The following COLEC10 variants were observed in gnomAD, a reference collection of about 807,000 sequenced individuals.
COLEC10 encodes collectin-10.
In COLEC10, 22 loss-of-function variants were observed where a neutral mutation model predicts 28.4. That is an observed-to-expected ratio of 0.78 (90% CI 0.55 to 1.11). The LOEUF is 1.11. COLEC10 is among the 50% of genes least tolerant of loss of function. COLEC10 has a pLI of 0.00. For missense variants in COLEC10, 361 were observed against 344.1 expected (o/e 1.05, Z -0.39); for synonymous variants, 125 against 116.1 (o/e 1.08, Z -0.49).
chr8:119,025,913 C>A (rs1316152348), intron 2 of COLEC10, among the ~76,000 whole-genome samples: 2 of 152,114 alleles, frequency 1.3e-5, no homozygotes, highest in Admixed American at 1.3e-4. Flanking sequence ...TTAGTTTATG[C>A]CTGCATCATG....
rs371388006 is a variant in COLEC10, at chr8:119,091,118, A to G, written c.221-31A>G. On this transcript the variant is annotated intron_variant, in intron 2 of 5. Transcript: ENST00000332843. ...ACATTTCAAGGGAAGATAAAACCTT[A>G]TGATAAAAAGATAACATGTTTGCTT... The G allele has an allele frequency of 2.6e-5, 41 of 1,566,958 alleles. No individual in the cohort carries two copies. In the East Asian group the frequency reaches 6.1e-4, roughly 23 times the overall value.
chr8:119,000,131 T>C (rs970725472), intron 1 of COLEC10, among the ~76,000 whole-genome samples: 1 of 152,116 alleles, frequency 6.6e-6, no homozygotes, highest in African/African-American at 2.4e-5. Flanking sequence ...ACCTATTCCA[T>C]TATAACAGGG....
chr8:119,002,139 A>G (rs546721595), intron 1 of COLEC10, among the ~76,000 whole-genome samples: 79 of 152,296 alleles, frequency 5.2e-4, no homozygotes, highest in Non-Finnish European at 8.7e-4. Context: ...CATATTTGCC[A>G]TAATTGTATA....
chr8:119,006,540 A>G (rs989580499), intron 1 of COLEC10, among the ~76,000 whole-genome samples: 5 of 152,048 alleles, frequency 3.3e-5, no homozygotes, highest in African/African-American at 1.2e-4. Context: ...ACAGCACTTA[A>G]CAAAGGGGCT....
At chr8:118,954,031 A>C in the COLEC10 span, among the ~76,000 whole-genome samples, 2 of 152,232 alleles carry the variant, frequency 1.3e-5, no homozygotes, top group East Asian at 3.9e-4. Context: ...TGAGGTTCTC[A>C]TGGGGACGTT....
chr8:119,085,590 CTTCTTCTTCTTTTTTTT>C, intron 1 of COLEC10, among the ~76,000 whole-genome samples: 1 of 96,992 alleles, frequency 1.0e-5, no homozygotes, highest in African/African-American at 4.2e-5. Flanking sequence ...CTTCTTCTTT[CTTCTTCTTCTTTTTTTT>C]TTTTTTTTTT....
the COLEC10 span, among the ~76,000 whole-genome samples, chr8:118,958,056 G>A: frequency 6.6e-5 from 10 of 152,322 alleles, no homozygotes; most frequent in East Asian, 1.4e-3. Flanking sequence ...CAGGGCAAGC[G>A]AGTAGGCAGA....
intron 1 of COLEC10, among the ~76,000 whole-genome samples, chr8:119,001,443 C>A (rs1286551166): frequency 6.6e-6 from 1 of 152,096 alleles, no homozygotes; most frequent in Non-Finnish European, 1.5e-5. Flanking sequence ...TAGCAAGAAA[C>A]CCTGTCTCTG....
At chr8:119,030,089 C>T (rs552980198) in intron 2 of COLEC10, among the ~76,000 whole-genome samples, 39 of 152,236 alleles carry the variant, frequency 2.6e-4, no homozygotes, top group Middle Eastern at 6.8e-3. Context: ...CACATATCTC[C>T]CTCTTTGTTA....
chr8:119,000,659 G>A (rs1368567022), intron 1 of COLEC10, among the ~76,000 whole-genome samples: 2 of 152,136 alleles, frequency 1.3e-5, no homozygotes, highest in African/African-American at 4.8e-5. Flanking sequence ...GATAGCAAAA[G>A]GGAATGGAGG....
chr8:119,005,385 T>A (rs1813775933), intron 1 of COLEC10, among the ~76,000 whole-genome samples: 1 of 152,134 alleles, frequency 6.6e-6, no homozygotes, highest in Non-Finnish European at 1.5e-5. Flanking sequence ...TGCCTCAGTT[T>A]GTCCTCAAGC....
intron 3 of COLEC10, among the ~76,000 whole-genome samples, chr8:119,095,463 G>T (rs1345861398): frequency 6.6e-6 from 1 of 152,248 alleles, no homozygotes; most frequent in Non-Finnish European, 1.5e-5. Context: ...AGCACTTCGG[G>T]GGGCCGAGGT....
upstream of COLEC10, among the ~76,000 whole-genome samples, chr8:119,065,914 C>A (rs1416548319): frequency 6.6e-6 from 1 of 151,986 alleles, no homozygotes; most frequent in African/African-American, 2.4e-5. Context: ...CCTGAATCAT[C>A]CTGAAAGTAT....
At chr8:118,963,766 A>G in the COLEC10 span, among the ~76,000 whole-genome samples, 1 of 152,156 alleles carries the variant, frequency 6.6e-6, no homozygotes, top group Non-Finnish European at 1.5e-5. Flanking sequence ...ATAAGCTCCA[A>G]GAGGTTAGGG....
chr8:119,063,733 A>C (rs114513994), upstream of COLEC10, among the ~76,000 whole-genome samples: 4,392 of 149,708 alleles, frequency 0.029, 118 homozygotes, highest in African/African-American at 0.064. Context: ...TCAATTCACA[A>C]AAAAAAAAAA....
chr8:119,057,695 C>A (rs1283979698), intron 2 of COLEC10, among the ~76,000 whole-genome samples: 1 of 152,164 alleles, frequency 6.6e-6, no homozygotes, highest in Admixed American at 6.6e-5. Context: ...TGAATAAATG[C>A]ACTTTCATTA....
the COLEC10 span, among the ~76,000 whole-genome samples, chr8:118,978,595 AAG>A: frequency 6.6e-6 from 1 of 151,998 alleles, no homozygotes; most frequent in Non-Finnish European, 1.5e-5. Context: ...ATATATCTGT[AAG>A]TTCATATTAC....
intron 2 of COLEC10, among the ~76,000 whole-genome samples, chr8:119,036,493 A>G (rs955467893): frequency 6.6e-6 from 1 of 152,196 alleles, no homozygotes; most frequent in Non-Finnish European, 1.5e-5. Context: ...AAGTATATTG[A>G]ACATTTTGAC....
chr8:119,010,268 A>G (rs1813880877), intron 2 of COLEC10, among the ~76,000 whole-genome samples: 1 of 150,864 alleles, frequency 6.6e-6, no homozygotes, highest in African/African-American at 2.5e-5. Context: ...ATACTACAGT[A>G]TGTAGCCTTT....
Sources: gnomAD v4.1 joint callset for allele counts (sites outside exome capture counted in the v4.1 genomes callset) on GRCh38, gnomAD v4.1.1 for gene constraint, MANE v1.5 for transcripts, NCBI Gene and HGNC (gene_info 2026-07-23, HGNC 2026-07-21) for gene names.